ANKMY1: variants seen among roughly 807,000 people sequenced by gnomAD.
The protein encoded by ANKMY1 is ankyrin repeat and MYND domain-containing protein 1.
In ANKMY1, 98 loss-of-function variants were observed where a neutral mutation model predicts 102.0. That is an observed-to-expected ratio of 0.96 (90% CI 0.82 to 1.14). The LOEUF is 1.14. ANKMY1 is among the 50% of genes most tolerant of loss of function. ANKMY1 has a pLI of 0.00. For synonymous variants in ANKMY1, 582 were observed against 559.9 expected (o/e 1.04, Z -0.56); for missense variants, 1,330 against 1,347.6 (o/e 0.99, Z 0.20).
chr2:240,479,742 G>T, intron 17 of ANKMY1, 87 bp from the exon 18 acceptor site: 1 of 1,247,618 alleles, frequency 8.0e-7, no homozygotes. Flanking sequence ...CGGGCTGTGT[G>T]GGGCGGCTGA....
chr2:240,496,557 C>T (rs529943586), intron 15 of ANKMY1, among the ~76,000 whole-genome samples: 1 of 152,246 alleles, frequency 6.6e-6, no homozygotes, highest in African/African-American at 2.4e-5. Flanking sequence ...TATCTGTTTG[C>T]TTATTTGGTT....
At chr2:240,509,556 C>A in intron 11 of ANKMY1, 101 bp from the exon 12 acceptor site, 1 of 821,356 alleles carries the variant, frequency 1.2e-6, no homozygotes, top group South Asian at 1.9e-5. Flanking sequence ...TGTAGTCACT[C>A]AACGGCTACT....
In ANKMY1 at chr2:240,511,877, C is replaced by A; in HGVS notation, c.2270G>T (p.Arg757Leu). The A allele has an allele frequency of 1.3e-6, 2 of 1,590,268 alleles. No homozygotes were observed. The highest frequency in any genetic ancestry group is 1.7e-5 in the Admixed American group (1 of 58,732). The change falls in exon 11 of 18, where the codon CGG becomes CTG. Residue 757 changes from arginine (R) to leucine (L), a missense_variant. Arg to Leu is a moderately radical substitution (Grantham distance 102, BLOSUM62 -2). Coordinates refer to ENST00000401804, the MANE Select transcript of ANKMY1 (RefSeq NM_001282771.3). ...TGCCCTCACCTTGTTGTCATCCTCC[C>A]GCTCGCAGGCCATGTGCAGAGCCGT... ...GRTALHMACE[R>L]EDDNKCARDI... is the part of the protein sequence containing the mutation.
Position 240,526,083 on chromosome 2 carries a change from T to C in ANKMY1, c.1170+146A>G, listed in dbSNP as rs1364857523. 1.7e-5 allele frequency: 19 copies of C among 1,099,210 alleles called. No homozygotes were observed. The Admixed American group carries it at 3.8e-4, about 22-fold the overall frequency. The allele number at this position is 1,099,210 out of a possible 1,614,324, so 68.1% of individuals were successfully genotyped here. A position where few individuals can be genotyped will look rare whatever the true frequency, so the allele number is the denominator to read the frequency against. On this transcript the variant is annotated intron_variant, in intron 6 of 17. Transcript: ENST00000401804. ...CACACTCAGCTGAGTGGGTTTCTGC[T>C]GAACGGCGAGGTGGAGGTGTGGACA...
chr2:240,516,154 T>G (rs901179939), intron 9 of ANKMY1, among the ~76,000 whole-genome samples: 6 of 151,466 alleles, frequency 4.0e-5, no homozygotes, highest in Admixed American at 1.3e-4. Context: ...TGTGGGGTTT[T>G]TTTTTTTTTG....
chr2:240,513,168 C>T (rs2080569512), intron 9 of ANKMY1, among the ~76,000 whole-genome samples: 1 of 152,218 alleles, frequency 6.6e-6, no homozygotes, highest in Admixed American at 6.5e-5. Flanking sequence ...CCTAATATGC[C>T]TCTGTCTGCC....
intron 12 of ANKMY1, 58 bp downstream of exon 12, chr2:240,509,290 G>C: frequency 7.3e-7 from 1 of 1,375,750 alleles, no homozygotes; most frequent in Non-Finnish European, 1.0e-6. Flanking sequence ...CTGGTGGGGT[G>C]GGCACTGGAG....
At chr2:240,509,560 G>A (rs1428316311) in intron 11 of ANKMY1, 105 bp from the exon 12 acceptor site, 9 of 793,594 alleles carry the variant, frequency 1.1e-5, no homozygotes, top group South Asian at 5.7e-5. Flanking sequence ...GTCACTCAAC[G>A]GCTACTTCCT....
In ANKMY1 at chr2:240,480,961, CCTT is replaced by C. The variant is rs750524574; in HGVS notation, c.3019_3021del (p.Lys1007del). On this transcript the variant is annotated inframe_deletion, in exon 17 of 18. Transcript: ENST00000401804. Reference sequence around the variant, plus strand: ...CCGATGGCCACCAGGTCCCCGCAGTCCTTCTTGTGGAACTCGGTCCAGGCCTTG... The same window carrying C: ...CCGATGGCCACCAGGTCCCCGCAGTCCTTGTGGAACTCGGTCCAGGCCTTG... The C allele has an allele frequency of 1.1e-5, 18 of 1,612,266 alleles. No homozygotes were observed. The highest frequency in any genetic ancestry group is 1.4e-5 in the Non-Finnish European group (17 of 1,178,600).
In ANKMY1 at chr2:240,557,603, C is replaced by G. The variant is rs546711505; in HGVS notation, c.-17-251G>C. ...TCCCTGTCCCTTCGTGGGCGGGAAT[C>G]ACAGCAAGGGCGGTCGCGGCCACGT... On this transcript the variant is annotated intron_variant, in intron 1 of 17. Coordinates refer to ENST00000401804, the MANE Select transcript of ANKMY1 (RefSeq NM_001282771.3). Among the ~76,000 whole-genome samples, 79 of 152,344 alleles carry G rather than the reference C, an allele frequency of 5.2e-4. 1 individual carries two copies. The highest frequency in any genetic ancestry group is 1.5e-3 in the African/African-American group (63 of 41,592).
At chr2:240,559,285 T>C (rs953020955), upstream of ANKMY1, among the ~76,000 whole-genome samples, 1 of 152,188 alleles carries the variant, frequency 6.6e-6, no homozygotes, top group Non-Finnish European at 1.5e-5. Context: ...TGATGATTCA[T>C]GAAACAGTCC....
intron 4 of ANKMY1, among the ~76,000 whole-genome samples, chr2:240,539,023 GC>G (rs1442225316): frequency 6.6e-5 from 10 of 152,192 alleles, no homozygotes; most frequent in African/African-American, 2.2e-4. Flanking sequence ...GGACCGATCA[GC>G]TCTCTGTAAA....
At position 240,546,844 on chromosome 2, in the gene ANKMY1, C is replaced by G. The variant is rs1431679324; in HGVS notation, c.480+6070G>C. Among the ~76,000 whole-genome samples, 3 of 152,140 alleles carry G rather than the reference C, an allele frequency of 2.0e-5. No individual in the cohort carries two copies. The East Asian group carries it at 5.8e-4, about 29-fold the overall frequency. The stretch of plus-strand genomic sequence containing the variant: ...AATATATATGCACCCAATACAGGAG[C>G]GCCCAGATTCATAAAGCAAGTCCTG... On this transcript the variant is annotated intron_variant, in intron 4 of 17. Coordinates refer to ENST00000401804, the MANE Select transcript of ANKMY1 (RefSeq NM_001282771.3).
chr2:240,519,878 G>GA (rs1487583681), intron 9 of ANKMY1: 20 of 251,836 alleles, frequency 7.9e-5, no homozygotes, highest in East Asian at 1.1e-4. Flanking sequence ...CACTTCTTAA[G>GA]AAAAAAAATA....
rs2080540665 is a variant in ANKMY1 at position 240,513,028 on chromosome 2, GA to G, written c.2005-87del. 3 of 1,510,626 alleles carry G rather than the reference GA, an allele frequency of 2.0e-6. No homozygotes were observed. In the Admixed American group the frequency reaches 5.9e-5, roughly 30 times the overall value. The allele number at this position is 1,510,626 out of a possible 1,614,324, so 93.6% of individuals were successfully genotyped here. ...GTACCTGAGGGACCCAAATGCCAGGGAAATGGCTGAGACTCCAAGGGCACCA... is the reference window on the plus strand; with the variant it reads ...GTACCTGAGGGACCCAAATGCCAGGGAATGGCTGAGACTCCAAGGGCACCA... On this transcript the variant is annotated intron_variant, in intron 9 of 17. Coordinates refer to ENST00000401804, the MANE Select transcript of ANKMY1 (RefSeq NM_001282771.3).
intron 13 of ANKMY1, among the ~76,000 whole-genome samples, chr2:240,501,543 G>T (rs983196911): frequency 6.6e-6 from 1 of 152,210 alleles, no homozygotes; most frequent in Non-Finnish European, 1.5e-5. Context: ...TGCTGTGTGC[G>T]TGTGTGCCTT....
At chr2:240,560,934 C>T (rs755399446), upstream of ANKMY1, 7 of 1,536,884 alleles carry the variant, frequency 4.6e-6, no homozygotes, top group African/African-American at 1.4e-5. Flanking sequence ...GCACCTGGAG[C>T]CCACGTGCGC....
downstream of ANKMY1, among the ~76,000 whole-genome samples, chr2:240,479,189 G>A (rs2151812234): frequency 6.6e-6 from 1 of 152,334 alleles, no homozygotes; most frequent in East Asian, 1.9e-4. Flanking sequence ...AGTGGAGCCT[G>A]CTGCCGCGGG....
At chr2:240,477,543 T>C (rs371043570), downstream of ANKMY1, among the ~76,000 whole-genome samples, 58 of 152,228 alleles carry the variant, frequency 3.8e-4, 2 homozygotes, top group East Asian at 0.01. Context: ...CTACGGTGTG[T>C]GCGACCACAC....
Sources: allele counts gnomAD v4.1 joint callset (sites outside exome capture counted in the v4.1 genomes callset), GRCh38; gene constraint gnomAD v4.1.1; transcripts MANE v1.5; gene names NCBI Gene and HGNC (gene_info 2026-07-23, HGNC 2026-07-21).